FOXN3: variants seen among roughly 807,000 people sequenced by gnomAD.
The protein encoded by FOXN3 is forkhead box N3.
A neutral mutation model predicts 38.4 loss-of-function variants in FOXN3; 7 were observed. The observed-to-expected ratio is 0.18, with a 90% CI of 0.10 to 0.34. FOXN3 has a LOEUF of 0.34. Among genes scored for constraint, FOXN3 ranks in the 10% least tolerant of loss-of-function variants. The pLI, the probability that FOXN3 is intolerant of heterozygous loss-of-function variation, is 1.00. For synonymous variants in FOXN3, 230 were observed against 242.2 expected (o/e 0.95, Z 0.47); for missense variants, 456 against 613.4 (o/e 0.74, Z 2.71).
At chr14:89,419,327 T>C, upstream of FOXN3, 1 of 404,358 alleles carries the variant, frequency 2.5e-6, no homozygotes, top group South Asian at 1.8e-5. Context: ...CACCTTCTAA[T>C]TCCATAGAAC....
intron 4 of FOXN3, among the ~76,000 whole-genome samples, chr14:89,245,422 C>T (rs989035009): frequency 5.3e-5 from 8 of 151,538 alleles, no homozygotes; most frequent in East Asian, 1.9e-4. Flanking sequence ...ATTTCACTGT[C>T]GAGTTCTCAT....
At position 89,197,181 on chromosome 14, in the gene FOXN3, T is replaced by C. The variant is rs1017191719; in HGVS notation, c.746-16375A>G. 2.6e-5 allele frequency among the ~76,000 whole-genome samples: 4 copies of C among 152,232 alleles called. No homozygotes were observed. In the East Asian group the frequency reaches 5.8e-4, roughly 22 times the overall value. Reference sequence around the variant, plus strand: ...ACAAACAAAAATACCAAATAATAGATGACACACACTCAGACAGAAATGATC... The same window carrying C: ...ACAAACAAAAATACCAAATAATAGACGACACACACTCAGACAGAAATGATC... On this transcript the variant is annotated intron_variant, in intron 4 of 5. Transcript: ENST00000557258.
At chr14:89,398,062 A>C (rs1381886526) in intron 2 of FOXN3, among the ~76,000 whole-genome samples, 1 of 152,184 alleles carries the variant, frequency 6.6e-6, no homozygotes, top group African/African-American at 2.4e-5. Context: ...GGATTCTTCC[A>C]GTGGCACTGC....
intron 1 of FOXN3, among the ~76,000 whole-genome samples, chr14:89,546,329 C>CTTTCTTTTTTTTTTTTTTTTT (rs1555359724): frequency 3.8e-5 from 3 of 78,314 alleles, no homozygotes; most frequent in African/African-American, 1.6e-4. Flanking sequence ...TTTCCTTTTT[C>CTTTCTTTTTTTTTTTTTTTTT]TTTTTTTTTT....
chr14:89,389,065 C>G (rs1198116622), intron 2 of FOXN3, among the ~76,000 whole-genome samples: 1 of 152,074 alleles, frequency 6.6e-6, no homozygotes, highest in Non-Finnish European at 1.5e-5. Context: ...GGTGCTTGCT[C>G]TTGTGAAAAG....
chr14:89,496,136 C>G (rs1294689532), intron 1 of FOXN3, among the ~76,000 whole-genome samples: 1 of 152,084 alleles, frequency 6.6e-6, no homozygotes, highest in African/African-American at 2.4e-5. Context: ...TCTCTTGAAC[C>G]CGGGAGGCGG....
intron 1 of FOXN3, among the ~76,000 whole-genome samples, chr14:89,596,938 G>C (rs554326498): frequency 5.3e-5 from 8 of 151,386 alleles, no homozygotes; most frequent in Middle Eastern, 3.4e-3. Context: ...TAGTCCTTTG[G>C]CTCTGTTGAT....
intron 2 of FOXN3, among the ~76,000 whole-genome samples, chr14:89,371,240 G>C (rs918399739): frequency 6.6e-6 from 1 of 152,152 alleles, no homozygotes; most frequent in South Asian, 2.1e-4. Context: ...GCCCGGGGAG[G>C]AAGGTGGGGG....
At chr14:89,401,182 C>A (rs1053689070) in intron 2 of FOXN3, among the ~76,000 whole-genome samples, 3 of 152,222 alleles carry the variant, frequency 2.0e-5, no homozygotes, top group Non-Finnish European at 4.4e-5. Flanking sequence ...TGGCTCATGC[C>A]TGTAATCCCA....
At chr14:89,200,588 C>G (rs1439560029) in intron 4 of FOXN3, among the ~76,000 whole-genome samples, 1 of 152,208 alleles carries the variant, frequency 6.6e-6, no homozygotes, top group Admixed American at 6.5e-5. Context: ...ACTCCCCAGG[C>G]AGATGCTTTC....
At chr14:89,519,650 G>A (rs773397329) in intron 1 of FOXN3, among the ~76,000 whole-genome samples, 1 of 152,138 alleles carries the variant, frequency 6.6e-6, no homozygotes, top group Non-Finnish European at 1.5e-5. Context: ...GGAGATGAGT[G>A]CCCACCATTC....
intron 4 of FOXN3, among the ~76,000 whole-genome samples, chr14:89,261,604 G>A (rs1045351615): frequency 3.9e-5 from 6 of 152,038 alleles, no homozygotes; most frequent in African/African-American, 1.5e-4. Flanking sequence ...GACCAGCCCA[G>A]CCAACAGGGT....
chr14:89,549,912 T>G (rs1566695967), intron 1 of FOXN3, among the ~76,000 whole-genome samples: 1 of 152,176 alleles, frequency 6.6e-6, no homozygotes, highest in African/African-American at 2.4e-5. Context: ...ACTGTGAGGT[T>G]CCCAAGTCTT....
intron 1 of FOXN3, chr14:89,577,196 G>C (rs1181844268): frequency 1.3e-5 from 2 of 152,276 alleles, no homozygotes; most frequent in African/African-American, 4.8e-5. Context: ...TGGAGGGGCG[G>C]AGTTTCCAAG....
At chr14:89,522,771 A>G (rs1178087898) in intron 1 of FOXN3, among the ~76,000 whole-genome samples, 1 of 152,042 alleles carries the variant, frequency 6.6e-6, no homozygotes. Context: ...AAGTAAAAAA[A>G]AAGAATACTC....
At chr14:89,565,880 A>AT (rs1566702055) in intron 1 of FOXN3, among the ~76,000 whole-genome samples, 1 of 152,220 alleles carries the variant, frequency 6.6e-6, no homozygotes, top group Non-Finnish European at 1.5e-5. Context: ...GCAGAAAATT[A>AT]ATACAAGGGA....
At chr14:89,177,827 C>G (rs1887563875) in intron 5 of FOXN3, among the ~76,000 whole-genome samples, 1 of 152,104 alleles carries the variant, frequency 6.6e-6, no homozygotes, top group African/African-American at 2.4e-5. Context: ...GTCCCTGCCC[C>G]CCACGCAAAG....
At chr14:89,370,137 C>T (rs943604570) in intron 2 of FOXN3, among the ~76,000 whole-genome samples, 6 of 152,184 alleles carry the variant, frequency 3.9e-5, no homozygotes, top group Non-Finnish European at 5.9e-5. Context: ...TCACTATTGT[C>T]TTTATTACAA....
chr14:89,383,029 G>GGTT (rs1890695546), intron 2 of FOXN3, among the ~76,000 whole-genome samples: 1 of 92,514 alleles, frequency 1.1e-5, no homozygotes, highest in African/African-American at 4.1e-5. Context: ...TTTGGGTGGT[G>GGTT]TTTTTTTTTT....
Sources: allele counts gnomAD v4.1 joint callset (sites outside exome capture counted in the v4.1 genomes callset), GRCh38; gene constraint gnomAD v4.1.1; transcripts MANE v1.5; gene names NCBI Gene and HGNC (gene_info 2026-07-23, HGNC 2026-07-21).